Variants in IPPK observed in about 807,000 individuals in gnomAD.
IPPK encodes the protein IPK1 homolog.
A neutral mutation model predicts 64.6 loss-of-function variants in IPPK; 22 were observed. That is an observed-to-expected ratio of 0.34 (90% CI 0.24 to 0.49). IPPK has a LOEUF of 0.49. Ranked by LOEUF, IPPK falls within the 20% of genes least tolerant of loss-of-function variation. IPPK has a pLI of 0.99. For synonymous variants in IPPK, 262 were observed against 247.2 expected, an observed-to-expected ratio of 1.06 and a Z score of -0.56; for missense variants, 532 against 630.7, an observed-to-expected ratio of 0.84 and a Z score of 1.68.
At chr9:92,616,379 A>G (rs41266679) in intron 12 of IPPK, 13,114 of 237,112 alleles carry the variant, frequency 0.055, 533 homozygotes, top group South Asian at 0.092. Context: ...TGAAAGATGG[A>G]AAAGTAATTA....
At chr9:92,668,675 T>C (rs1852656104) in intron 1 of IPPK, among the ~76,000 whole-genome samples, 1 of 152,230 alleles carries the variant, frequency 6.6e-6, no homozygotes, top group Non-Finnish European at 1.5e-5. Context: ...TCCCTCACTT[T>C]GCCAATAGTG....
In IPPK at chr9:92,669,757, G is replaced by C. The variant is rs370242068; in HGVS notation, c.81+151C>G. ...ACCCAAGCGGTAGGGGGGGATGCTGGAGGGTGGGGGAATTCCGGAGACCGG... is the reference window on the plus strand; with the variant it reads ...ACCCAAGCGGTAGGGGGGGATGCTGCAGGGTGGGGGAATTCCGGAGACCGG... On this transcript the variant is annotated intron_variant, in intron 1 of 12. Coordinates refer to ENST00000287996, the MANE Select transcript of IPPK (RefSeq NM_022755.6). The C allele has an allele frequency of 3.8e-4, 232 of 613,202 alleles. 2 individuals are homozygous for C. The East Asian group carries it at 4.8e-3, about 13-fold the overall frequency. The allele number at this position is 613,202 out of a possible 1,614,324, so 38.0% of individuals were successfully genotyped here. A position where few individuals can be genotyped will look rare whatever the true frequency, so the allele number is the denominator to read the frequency against.
At chr9:92,619,867 CCA>C in intron 11 of IPPK, 1 of 409,338 alleles carries the variant, frequency 2.4e-6, no homozygotes, top group Non-Finnish European at 4.6e-6. Flanking sequence ...AGCAAGGTCA[CCA>C]CAGTCGGCCT....
chr9:92,651,512 A>G (rs557573628), intron 4 of IPPK, among the ~76,000 whole-genome samples: 1 of 152,334 alleles, frequency 6.6e-6, no homozygotes, highest in Non-Finnish European at 1.5e-5. Flanking sequence ...AGAAGGACAC[A>G]GACCTAGCCT....
At position 92,670,020 on chromosome 9, in the gene IPPK, A is replaced by G; in HGVS notation, c.-32T>C. 1 of 1,541,768 alleles carries G rather than the reference A, an allele frequency of 6.5e-7. No homozygotes were observed. The highest frequency in any genetic ancestry group is 8.8e-7 in the Non-Finnish European group (1 of 1,130,534). On this transcript the variant is annotated 5_prime_UTR_variant, in exon 1 of 13. Transcript: ENST00000287996. ...GCGCAGCCCTGGCGCCTCGCGGGCTAGGACTCGGGGACGCGAGCTGGGGGC... is the reference window on the plus strand; with the variant it reads ...GCGCAGCCCTGGCGCCTCGCGGGCTGGGACTCGGGGACGCGAGCTGGGGGC...
At chr9:92,625,234 AATATT>A (rs1851713106) in intron 11 of IPPK, among the ~76,000 whole-genome samples, 1 of 152,226 alleles carries the variant, frequency 6.6e-6, no homozygotes, top group Non-Finnish European at 1.5e-5. Flanking sequence ...AAAACATTTA[AATATT>A]AGTAATATCT....
chr9:92,618,711 A>AT (rs1851526735), intron 12 of IPPK: 1 of 372,664 alleles, frequency 2.7e-6, no homozygotes, highest in South Asian at 2.0e-5. Context: ...GTTCCTCAGT[A>AT]TTTCATATTG....
chr9:92,618,970 G>A (rs970180620), intron 12 of IPPK: 5 of 276,458 alleles, frequency 1.8e-5, no homozygotes, highest in Admixed American at 4.9e-5. Context: ...CAGAAACAGA[G>A]GGGACTGGAC....
chr9:92,647,911 G>A (rs576375830), intron 6 of IPPK, 148 bp downstream of exon 6: 1 of 612,258 alleles, frequency 1.6e-6, no homozygotes, highest in East Asian at 2.8e-5. Context: ...AAATAAAAAA[G>A]TTGAACATGA....
chr9:92,646,592 G>C (rs1340266483), intron 6 of IPPK, among the ~76,000 whole-genome samples: 2 of 152,234 alleles, frequency 1.3e-5, no homozygotes, highest in African/African-American at 4.8e-5. Flanking sequence ...AAATGTATGG[G>C]ATGAAGAGAA....
intron 7 of IPPK, 81 bp from the exon 8 acceptor site, chr9:92,640,863 A>AG: frequency 2.0e-6 from 2 of 993,872 alleles, no homozygotes; most frequent in Admixed American, 3.4e-5. Flanking sequence ...CGTGGCTCAG[A>AG]GGACATGCTG....
intron 12 of IPPK, chr9:92,618,158 T>C (rs763910974): frequency 6.7e-6 from 3 of 447,092 alleles, no homozygotes; most frequent in South Asian, 4.7e-5. Context: ...CCACACGCCA[T>C]GTTCTCGGAG....
At chr9:92,616,178 A>G (rs1851426794) in intron 12 of IPPK, 121 bp from the exon 13 acceptor site, 1 of 673,820 alleles carries the variant, frequency 1.5e-6, no homozygotes, top group South Asian at 1.9e-5. Context: ...TGACTTCTGC[A>G]AAGTTAGATA....
intron 7 of IPPK, among the ~76,000 whole-genome samples, chr9:92,641,051 G>A (rs978252888): frequency 3.9e-5 from 6 of 152,232 alleles, no homozygotes; most frequent in African/African-American, 1.2e-4. Flanking sequence ...ACTTTCGGGA[G>A]ATGTGAGGGA....
chr9:92,645,866 A>C (rs1011739495), intron 6 of IPPK, among the ~76,000 whole-genome samples: 3 of 152,124 alleles, frequency 2.0e-5, no homozygotes, highest in South Asian at 2.1e-4. Flanking sequence ...TACTAAAGGG[A>C]GTCCTTTTGG....
intron 2 of IPPK, among the ~76,000 whole-genome samples, chr9:92,656,958 G>C (rs915178677): frequency 6.6e-6 from 1 of 152,184 alleles, no homozygotes; most frequent in Non-Finnish European, 1.5e-5. Flanking sequence ...CCCAGTCAGA[G>C]GTTCTTAAAG....
chr9:92,668,407 G>A (rs1398939756), intron 1 of IPPK, among the ~76,000 whole-genome samples: 1 of 152,232 alleles, frequency 6.6e-6, no homozygotes, highest in African/African-American at 2.4e-5. Context: ...AGATCCAAGT[G>A]CCAGAGGCAA....
In IPPK at chr9:92,615,883, C is replaced by T. The variant is rs373920364; in HGVS notation, c.1425G>A (p.Ser475=). Residue 475 remains serine (S), a synonymous_variant, in exon 13 of 13, where the codon TCG becomes TCA. Coordinates refer to ENST00000287996, the MANE Select transcript of IPPK (RefSeq NM_022755.6). ...AATCTTCGCTTTCCTTGAACCGAGT[C>T]GACATCACGGCGTTGTCTTTGGCAC... is the stretch of plus-strand genomic sequence containing the variant. ...TVRAKDNAVM[S]TRFKESEDCT... 3.7e-6 allele frequency: 6 copies of T among 1,614,034 alleles called. No individual in the cohort carries two copies. The highest frequency in any genetic ancestry group is 2.7e-5 in the African/African-American group (2 of 74,912).
intron 12 of IPPK, chr9:92,617,952 T>C (rs551938878): frequency 6.5e-6 from 2 of 309,930 alleles, no homozygotes. Context: ...AGTTTAAATG[T>C]GGTCAATCTA....
Sources: allele counts gnomAD v4.1 joint callset (sites outside exome capture counted in the v4.1 genomes callset), GRCh38; gene constraint gnomAD v4.1.1; transcripts MANE v1.5; gene names NCBI Gene and HGNC (gene_info 2026-07-23, HGNC 2026-07-21).